ZSCAN5A: variants seen among roughly 807,000 people sequenced by gnomAD.
The protein encoded by ZSCAN5A is zinc finger and SCAN domain-containing protein 5A.
In ZSCAN5A, 12 loss-of-function variants were observed where a neutral mutation model predicts 23.7. The ratio of observed to expected loss-of-function variants is 0.51; its 90% CI spans 0.32 to 0.82. The LOEUF (loss-of-function observed/expected upper bound fraction) is 0.82, where lower values mean the gene tolerates loss of function less well. Ranked by LOEUF, ZSCAN5A falls within the 40% of genes least tolerant of loss-of-function variation. The pLI is 0.03. For missense variants in ZSCAN5A, 597 were observed against 617.9 expected, an observed-to-expected ratio of 0.97 and a Z score of 0.36; for synonymous variants, 257 against 239.9, an observed-to-expected ratio of 1.07 and a Z score of -0.66.
intron 2 of ZSCAN5A, among the ~76,000 whole-genome samples, chr19:56,302,500 TCTG>T (rs2040329453): frequency 1.2e-5 from 1 of 85,046 alleles, no homozygotes; most frequent in Non-Finnish European, 2.3e-5. Context: ...TTCTTCCCTC[TCTG>T]CCCTTCTTTC....
At chr19:56,233,812 T>G (rs2034663544) in intron 2 of ZSCAN5A, among the ~76,000 whole-genome samples, 1 of 152,118 alleles carries the variant, frequency 6.6e-6, no homozygotes, top group African/African-American at 2.4e-5. Context: ...AGATGTGCAG[T>G]GTTTCAAGTG....
chr19:56,259,417 C>T (rs1423940198), intron 2 of ZSCAN5A, among the ~76,000 whole-genome samples: 1 of 152,102 alleles, frequency 6.6e-6, no homozygotes, highest in Non-Finnish European at 1.5e-5. Context: ...CGTACGATTT[C>T]CCTGGGATCT....
chr19:56,285,980 C>T (rs1004974772), intron 2 of ZSCAN5A, among the ~76,000 whole-genome samples: 2 of 152,134 alleles, frequency 1.3e-5, no homozygotes, highest in Non-Finnish European at 2.9e-5. Context: ...TGTGGGGATG[C>T]TTGTTTCCCC....
At chr19:56,308,311 C>T (rs113003405) in intron 2 of ZSCAN5A, among the ~76,000 whole-genome samples, 375 of 151,112 alleles carry the variant, frequency 2.5e-3, no homozygotes, top group African/African-American at 8.7e-3. Context: ...GGATTACAGG[C>T]GTGAGCGGTG....
rs143059880 is a variant in ZSCAN5A, at chr19:56,250,826, G to C, written c.-127-25653C>G. 1.0e-3 allele frequency among the ~76,000 whole-genome samples: 158 copies of C among 152,152 alleles called. 2 individuals carry two copies. In the East Asian group the frequency reaches 0.023, roughly 22 times the overall value. ...CACTCTTTACATTTTATTTTCTATG[G>C]ATTCTATTCTTTTTAGCAAAAAGAC... On this transcript the variant is annotated intron_variant, in intron 2 of 5. Coordinates refer to ENST00000683990, the MANE Select transcript of ZSCAN5A (RefSeq NM_001322064.3).
chr19:56,307,551 G>T (rs2040773625), intron 2 of ZSCAN5A, among the ~76,000 whole-genome samples: 1 of 152,116 alleles, frequency 6.6e-6, no homozygotes. Context: ...GGTACAGAAG[G>T]CCTCTGCTGT....
intron 2 of ZSCAN5A, among the ~76,000 whole-genome samples, chr19:56,361,015 A>G (rs78531365): frequency 6.6e-6 from 1 of 152,108 alleles, no homozygotes; most frequent in South Asian, 2.1e-4. Context: ...CCATTAAAAA[A>G]TGGGCAAAGG....
intron 2 of ZSCAN5A, chr19:56,244,022 C>T (rs145960431): frequency 3.5e-5 from 28 of 801,510 alleles, no homozygotes; most frequent in African/African-American, 1.0e-4. Flanking sequence ...CAGAGACTGA[C>T]TGAAATATTC....
At chr19:56,231,602 T>C (rs935276342) in intron 2 of ZSCAN5A, among the ~76,000 whole-genome samples, 6 of 152,232 alleles carry the variant, frequency 3.9e-5, no homozygotes, top group Admixed American at 3.9e-4. Context: ...GGGGTTATCC[T>C]TGATTCCTGC....
chr19:56,245,353 G>A, intron 2 of ZSCAN5A: 2 of 752,058 alleles, frequency 2.7e-6, no homozygotes, highest in Non-Finnish European at 4.9e-6. Flanking sequence ...TGAATGAGAT[G>A]CGTCCGGGGG....
intron 2 of ZSCAN5A, among the ~76,000 whole-genome samples, chr19:56,339,229 C>A (rs2041568979): frequency 6.6e-6 from 1 of 152,186 alleles, no homozygotes; most frequent in South Asian, 2.1e-4. Context: ...TGCAAAGGAG[C>A]AGTTGTAGCC....
At chr19:56,316,164 A>T (rs2041308220), upstream of ZSCAN5A, 1 of 152,220 alleles carries the variant, frequency 6.6e-6, no homozygotes, top group Non-Finnish European at 1.5e-5. Context: ...CTGAGCCCTG[A>T]GACTCCGCAC....
chr19:56,284,447 A>T (rs568235332), intron 2 of ZSCAN5A, among the ~76,000 whole-genome samples: 1 of 151,938 alleles, frequency 6.6e-6, no homozygotes, highest in Admixed American at 6.6e-5. Context: ...TTATAAACTC[A>T]AAGTCTGGTG....
chr19:56,259,344 G>GCA (rs2036955247), intron 2 of ZSCAN5A, among the ~76,000 whole-genome samples: 1 of 152,058 alleles, frequency 6.6e-6, no homozygotes, highest in African/African-American at 2.4e-5. Context: ...GATTACAGAT[G>GCA]TGAGCTACCG....
chr19:56,328,670 T>C (rs2041459055), intron 2 of ZSCAN5A, among the ~76,000 whole-genome samples: 1 of 145,194 alleles, frequency 6.9e-6, no homozygotes, highest in Non-Finnish European at 1.5e-5. Flanking sequence ...GGGTAAAATA[T>C]GGTAAAGAAG....
chr19:56,276,158 T>C (rs2038234667), intron 2 of ZSCAN5A, among the ~76,000 whole-genome samples: 1 of 152,216 alleles, frequency 6.6e-6, no homozygotes, highest in Admixed American at 6.5e-5. Flanking sequence ...CTACCTCTCC[T>C]AAAATTCTTT....
At chr19:56,323,184 G>A (rs545283938) in intron 2 of ZSCAN5A, among the ~76,000 whole-genome samples, 25 of 151,782 alleles carry the variant, frequency 1.6e-4, no homozygotes, top group Admixed American at 9.8e-4. Context: ...GTGAGCCACC[G>A]CGCCCGGCCT....
intron 2 of ZSCAN5A, chr19:56,343,459 C>T: frequency 4.3e-6 from 2 of 467,108 alleles, no homozygotes. Flanking sequence ...TCCTGGGCTA[C>T]CAAGGGCTAC....
At chr19:56,342,706 T>G (rs2041603222) in intron 2 of ZSCAN5A, 1 of 637,526 alleles carries the variant, frequency 1.6e-6, no homozygotes, top group Middle Eastern at 2.7e-4. Context: ...TATACATCTG[T>G]TTTTCCTCTG....
Sources: allele counts gnomAD v4.1 joint callset (sites outside exome capture counted in the v4.1 genomes callset), GRCh38; gene constraint gnomAD v4.1.1; transcripts MANE v1.5; gene names NCBI Gene and HGNC (gene_info 2026-07-23, HGNC 2026-07-21).